Variants in TNFRSF17 observed in about 807,000 individuals in gnomAD.
TNFRSF17 encodes the protein TNF receptor superfamily member 17, also known as tumor necrosis factor receptor superfamily member 17.
TNFRSF17 carries 13 observed loss-of-function variants against 9.9 expected under a neutral mutation model. The observed-to-expected ratio is 1.31, with a 90% CI of 0.85 to 2.08. The LOEUF is 2.08. Ranked by LOEUF, TNFRSF17 falls within the 30% of genes most tolerant of loss-of-function variation. The probability of loss-of-function intolerance (pLI) is 0.00; values close to 1 mark genes in which losing one functional copy is unlikely to be tolerated. For synonymous variants in TNFRSF17, 99 were observed against 83.7 expected (o/e 1.18, Z -1.00); for missense variants, 305 against 225.8 (o/e 1.35, Z -2.25).
Position 11,967,829 on chromosome 16 carries a change from A to G in TNFRSF17, c.537A>G (p.Lys179=), listed in dbSNP as rs1251565516. 1 of 1,613,924 alleles carries G rather than the reference A, an allele frequency of 6.2e-7. No homozygotes were observed. Among genetic ancestry groups the G allele is most frequent in the Non-Finnish European group, 8.5e-7 (1 of 1,179,888 alleles). ...PAALSATEIE[K]SISAR ...CTTTGAGTGCTACGGAGATAGAGAA[A>G]TCAATTTCTGCTAGGTAATTAACCA... Residue 179 remains lysine (K), a synonymous_variant, in exon 3 of 3, where the codon AAA becomes AAG. Transcript: ENST00000053243.
chr16:11,967,018 A>G (rs1236751647), intron 2 of TNFRSF17: 1 of 190,486 alleles, frequency 5.2e-6, no homozygotes, highest in South Asian at 9.0e-5. Flanking sequence ...TTATTTATTT[A>G]GAGATGGAGT....
chr16:11,966,429 T>A (rs947107336), intron 2 of TNFRSF17, 88 bp downstream of exon 2: 2 of 1,356,332 alleles, frequency 1.5e-6, no homozygotes, highest in African/African-American at 2.9e-5. Context: ...GCGTTGACTA[T>A]TTCACTTCGT....
At position 11,967,968 on chromosome 16, in the gene TNFRSF17, T is replaced by C; in HGVS notation, c.*121T>C. ...CCGATACAGCTTTTTGTCCTCTAAC[T>C]GTGGAAACTCTTTATGTTAGATATA... On this transcript the variant is annotated 3_prime_UTR_variant, in exon 3 of 3. Transcript: ENST00000053243. The C allele has an allele frequency of 9.1e-7, 1 of 1,100,788 alleles. No individual in the cohort carries two copies. Among genetic ancestry groups the C allele is most frequent in the Non-Finnish European group, 1.3e-6 (1 of 783,594 alleles). 68.2% of individuals were successfully genotyped at this position (1,100,788 alleles called of 1,614,324 possible). A position where few individuals can be genotyped will look rare whatever the true frequency, so the allele number is the denominator to read the frequency against.
chr16:11,966,076 A>C (rs1165085978), intron 1 of TNFRSF17, 119 bp from the exon 2 acceptor site: 1 of 1,043,702 alleles, frequency 9.6e-7, no homozygotes, highest in African/African-American at 1.6e-5. Flanking sequence ...GCGCCACTGC[A>C]CTCTAGCCTG....
chr16:11,967,282 G>A (rs890229432), intron 2 of TNFRSF17: 10 of 349,754 alleles, frequency 2.9e-5, no homozygotes, highest in Admixed American at 2.3e-4. Context: ...GATTACAGGC[G>A]TGAGCCACAG....
chr16:11,967,183 G>A (rs889019611), intron 2 of TNFRSF17: 1 of 194,522 alleles, frequency 5.1e-6, no homozygotes, highest in African/African-American at 2.4e-5. Flanking sequence ...GTACTTTTTG[G>A]TAGAGACAGG....
At position 11,965,400 on chromosome 16, in the gene TNFRSF17, C is replaced by T; in HGVS notation, c.76C>T (p.Leu26Phe). Reference protein sequence around the residue: ...SLLHACIPCQLRCSSNTPPLT... With the variant: ...SLLHACIPCQFRCSSNTPPLT... ...GTTGCATGCTTGCATACCTTGTCAA[C>T]TTCGATGTTCTTCTAATACTCCTCC... The change falls in exon 1 of 3, where the codon CTT becomes TTT. Residue 26 changes from leucine to phenylalanine, a missense_variant. Coordinates refer to ENST00000053243, the MANE Select transcript of TNFRSF17 (RefSeq NM_001192.3). The T allele has an allele frequency of 6.2e-7, 1 of 1,614,154 alleles. No individual in the cohort carries two copies. The highest frequency in any genetic ancestry group is 8.5e-7 in the Non-Finnish European group (1 of 1,179,996).
chr16:11,965,561 A>C (rs1013157910), intron 1 of TNFRSF17, 107 bp downstream of exon 1: 29 of 1,183,260 alleles, frequency 2.5e-5, no homozygotes, highest in Middle Eastern at 2.6e-4. Flanking sequence ...AGTTTTCTTG[A>C]ATCAAAAAGA....
chr16:11,967,382 G>C (rs2055203002), intron 2 of TNFRSF17, among the ~76,000 whole-genome samples, 188 bp from the exon 3 acceptor site: 1 of 152,166 alleles, frequency 6.6e-6, no homozygotes, highest in Non-Finnish European at 1.5e-5. Context: ...CTGCTCTGTA[G>C]GCTAACGTGG....
intron 2 of TNFRSF17, 141 bp from the exon 3 acceptor site, chr16:11,967,428 TG>T: frequency 1.2e-6 from 1 of 820,078 alleles, no homozygotes; most frequent in Non-Finnish European, 1.9e-6. Flanking sequence ...GAATGCAGCC[TG>T]GGCAACACAG....
In TNFRSF17 at chr16:11,967,822, T is replaced by TA. The variant is rs2055207989; in HGVS notation, c.531dup (p.Glu178ArgfsTer7). On this transcript the variant is annotated frameshift_variant, in exon 3 of 3. Coordinates refer to ENST00000053243, the MANE Select transcript of TNFRSF17 (RefSeq NM_001192.3). LOFTEE classifies it high-confidence loss of function. ...CCAGCTGCTTTGAGTGCTACGGAGA[T>TA]AGAGAAATCAATTTCTGCTAGGTAA... 3.1e-6 allele frequency: 5 copies of TA among 1,613,960 alleles called. No individual in the cohort carries two copies. The highest frequency in any genetic ancestry group is 4.2e-6 in the Non-Finnish European group (5 of 1,179,922).
In TNFRSF17 at chr16:11,967,577, T is replaced by C. The variant is rs766663398; in HGVS notation, c.285T>C (p.Gly95=). 1.9e-6 allele frequency: 3 copies of C among 1,611,762 alleles called. No homozygotes were observed. In the South Asian group the frequency reaches 3.3e-5, roughly 18 times the overall value. ...CCGTTTCTACATAATTAGGATCAGGTCTCCTGGGCATGGCTAACATTGACC... is the reference window on the plus strand; with the variant it reads ...CCGTTTCTACATAATTAGGATCAGGCCTCCTGGGCATGGCTAACATTGACC... ...LKDEFKNTGS[G]LLGMANIDLE... is the part of the protein sequence containing the mutation. The change falls in exon 3 of 3, where the codon GGT becomes GGC. Residue 95 remains glycine (G), a synonymous_variant. Coordinates refer to ENST00000053243, the MANE Select transcript of TNFRSF17 (RefSeq NM_001192.3).
Position 11,967,570 on chromosome 16 carries a change from G to C in TNFRSF17, c.278G>C (p.Gly93Ala). 1 of 1,609,822 alleles carries C rather than the reference G, an allele frequency of 6.2e-7. No homozygotes were observed. The highest frequency in any genetic ancestry group is 8.5e-7 in the Non-Finnish European group (1 of 1,177,058). Reference sequence around the variant, plus strand: ...AATGTTTCCGTTTCTACATAATTAGGATCAGGTCTCCTGGGCATGGCTAAC... The same window carrying C: ...AATGTTTCCGTTTCTACATAATTAGCATCAGGTCTCCTGGGCATGGCTAAC... ...EPLKDEFKNT[G>A]SGLLGMANID... Residue 93 changes from glycine (G) to alanine (A), a missense_variant and splice_region_variant, in exon 3 of 3, where the codon GGA becomes GCA. Physicochemically the swap from Gly to Ala is moderately conservative, Grantham distance 60. Coordinates refer to ENST00000053243, the MANE Select transcript of TNFRSF17 (RefSeq NM_001192.3).
At chr16:11,967,496 T>G in intron 2 of TNFRSF17, 74 bp from the exon 3 acceptor site, 1 of 1,441,534 alleles carries the variant, frequency 6.9e-7, no homozygotes, top group Non-Finnish European at 9.5e-7. Context: ...TGAGTCCCGA[T>G]GTGTACTGCT....
intron 2 of TNFRSF17, among the ~76,000 whole-genome samples, chr16:11,966,585 G>C (rs2055196012): frequency 6.6e-6 from 1 of 152,092 alleles, no homozygotes; most frequent in Non-Finnish European, 1.5e-5. Flanking sequence ...TTACTCTATT[G>C]AAAGTACTAA....
Position 11,965,404 on chromosome 16 carries a change from G to T in TNFRSF17, c.80G>T (p.Arg27Leu), listed in dbSNP as rs200779776. ...LLHACIPCQL[R>L]CSSNTPPLTC... is the part of the protein sequence containing the mutation. ...CATGCTTGCATACCTTGTCAACTTC[G>T]ATGTTCTTCTAATACTCCTCCTCTA... The change falls in exon 1 of 3, where the codon CGA becomes CTA. Residue 27 changes from arginine (R) to leucine (L), a missense_variant. Physicochemically the swap from Arg to Leu is moderately radical, Grantham distance 102. Coordinates refer to ENST00000053243, the MANE Select transcript of TNFRSF17 (RefSeq NM_001192.3). 1 of 1,614,098 alleles carries T rather than the reference G, an allele frequency of 6.2e-7. No individual in the cohort carries two copies. Among genetic ancestry groups the T allele is most frequent in the Non-Finnish European group, 8.5e-7 (1 of 1,180,004 alleles).
chr16:11,965,827 C>CTG (rs2055188789), intron 1 of TNFRSF17, among the ~76,000 whole-genome samples: 2 of 151,976 alleles, frequency 1.3e-5, no homozygotes, highest in African/African-American at 4.8e-5. Context: ...GTATGACAGC[C>CTG]GGGTGCGGTG....
In TNFRSF17 at chr16:11,965,424, C is replaced by G; in HGVS notation, c.100C>G (p.Pro34Ala). ...ACTTCGATGTTCTTCTAATACTCCT[C>G]CTCTAACATGTCAGCGTTATTGTAA... ...CQLRCSSNTPPLTCQRYCNAS... is the reference protein window; with the variant it reads ...CQLRCSSNTPALTCQRYCNAS... Residue 34 changes from proline (P) to alanine (A), a missense_variant, in exon 1 of 3, where the codon CCT becomes GCT. Physicochemically the swap from Pro to Ala is conservative, Grantham distance 27 (BLOSUM62 -1). Coordinates refer to ENST00000053243, the MANE Select transcript of TNFRSF17 (RefSeq NM_001192.3). The G allele has an allele frequency of 3.1e-6, 5 of 1,614,164 alleles. No individual in the cohort carries two copies. The South Asian group carries it at 5.5e-5, about 18-fold the overall frequency.
Position 11,967,931 on chromosome 16 carries a change from AT to A in TNFRSF17, c.*89del. The A allele has an allele frequency of 1.4e-6, 2 of 1,471,736 alleles. No homozygotes were observed. Among genetic ancestry groups the A allele is most frequent in the Admixed American group, 2.1e-5 (1 of 47,328 alleles). The allele number at this position is 1,471,736 out of a possible 1,614,324, so 91.2% of individuals were successfully genotyped here. A position where few individuals can be genotyped will look rare whatever the true frequency, so the allele number is the denominator to read the frequency against. On this transcript the variant is annotated 3_prime_UTR_variant, in exon 3 of 3. Transcript: ENST00000053243. Reference sequence around the variant, plus strand: ...TGTCAGATCTCTTTAGGATGACTGTATTTTTCAGTTGCCGATACAGCTTTTT... The same window carrying A: ...TGTCAGATCTCTTTAGGATGACTGTATTTTCAGTTGCCGATACAGCTTTTT...
Sources: allele counts gnomAD v4.1 joint callset (sites outside exome capture counted in the v4.1 genomes callset), GRCh38; gene constraint gnomAD v4.1.1; transcripts MANE v1.5; gene names NCBI Gene and HGNC (gene_info 2026-07-23, HGNC 2026-07-21).